The following MAP2K5 variants were observed in gnomAD, a reference collection of about 807,000 sequenced individuals.
The protein encoded by MAP2K5 is mitogen-activated protein kinase kinase 5.
Under a neutral mutation model 83.1 loss-of-function variants are expected in MAP2K5, and 49 were observed. That is an observed-to-expected ratio of 0.59 (90% CI 0.47 to 0.75). MAP2K5 has a LOEUF of 0.75. Ranked by LOEUF, MAP2K5 falls within the 30% of genes least tolerant of loss-of-function variation. MAP2K5 has a pLI of 0.00. For synonymous variants in MAP2K5, 202 were observed against 191.8 expected (o/e 1.05, Z -0.44); for missense variants, 457 against 557.5 (o/e 0.82, Z 1.82).
chr15:67,663,296 A>T (rs991843429), intron 12 of MAP2K5, among the ~76,000 whole-genome samples: 8 of 152,202 alleles, frequency 5.3e-5, no homozygotes, highest in African/African-American at 1.4e-4. Flanking sequence ...AAGAAAAAAA[A>T]TTCTGGTCCT....
intron 17 of MAP2K5, among the ~76,000 whole-genome samples, chr15:67,733,306 A>T (rs1829036161): frequency 6.6e-6 from 1 of 152,204 alleles, no homozygotes; most frequent in South Asian, 2.1e-4. Flanking sequence ...GTTTTTAAGA[A>T]TTATTTGAAT....
At chr15:67,613,570 G>A (rs962539724) in intron 8 of MAP2K5, among the ~76,000 whole-genome samples, 5 of 152,082 alleles carry the variant, frequency 3.3e-5, no homozygotes, top group Admixed American at 2.6e-4. Context: ...GAAACCATCA[G>A]CTTTGAATTT....
At position 67,778,395 on chromosome 15, in the gene MAP2K5, T is replaced by A. The variant is rs2090273886; in HGVS notation, c.1242+5643T>A. On this transcript the variant is annotated intron_variant, in intron 21 of 21. Transcript: ENST00000178640. This position sits in a 1 kb window ranked among gnomAD's most constrained non-coding sequence, Gnocchi z 5.0. Reference sequence around the variant, plus strand: ...CTCAAATTCCAGTGTGACTTTGGGCTTCACACCAAATGGCTTTGTTTCATT... The same window carrying A: ...CTCAAATTCCAGTGTGACTTTGGGCATCACACCAAATGGCTTTGTTTCATT... Among the ~76,000 whole-genome samples, 2 of 152,352 alleles carry A rather than the reference T, an allele frequency of 1.3e-5. No homozygotes were observed. Among genetic ancestry groups the A allele is most frequent in the South Asian group, 4.1e-4 (2 of 4,826 alleles).
At chr15:67,621,905 C>A (rs1053269139) in intron 8 of MAP2K5, among the ~76,000 whole-genome samples, 1 of 151,988 alleles carries the variant, frequency 6.6e-6, no homozygotes, top group Non-Finnish European at 1.5e-5. Flanking sequence ...AGAAAGTGGC[C>A]GGGTGCGGTG....
intron 8 of MAP2K5, chr15:67,628,108 A>G: frequency 1.3e-6 from 1 of 780,146 alleles, no homozygotes; most frequent in Non-Finnish European, 2.2e-6. Context: ...GTGGGAACAA[A>G]GAGAGCTGTC....
At position 67,770,959 on chromosome 15, in the gene MAP2K5, A is replaced by C. The variant is rs1391978258; in HGVS notation, c.1196+1296A>C. ...TGTGTAGCTTTTAAAAACTATTTTT[A>C]CTCTGAAAACATTTTATTTCCAAAG... On this transcript the variant is annotated intron_variant, in intron 20 of 21. Transcript: ENST00000178640. The surrounding 1 kb of genome is among the most constrained non-coding windows in gnomAD (Gnocchi z 5.0). Among the ~76,000 whole-genome samples the C allele has an allele frequency of 3.9e-5, 6 of 152,134 alleles. No individual in the cohort carries two copies. The highest frequency in any genetic ancestry group is 8.8e-5 in the Non-Finnish European group (6 of 68,024).
intron 20 of MAP2K5, among the ~76,000 whole-genome samples, chr15:67,772,008 A>G (rs1020404712): frequency 3.3e-4 from 51 of 152,342 alleles, no homozygotes; most frequent in Admixed American, 2.9e-3. Context: ...TACATGTTAC[A>G]GCTACTAATT....
intron 19 of MAP2K5, among the ~76,000 whole-genome samples, chr15:67,754,366 A>T (rs1423119377): frequency 6.6e-6 from 1 of 152,236 alleles, no homozygotes; most frequent in Non-Finnish European, 1.5e-5. Flanking sequence ...AGAAAAGAGA[A>T]GACACACTTA....
chr15:67,598,049 A>G (rs1240227528), intron 7 of MAP2K5, among the ~76,000 whole-genome samples: 2 of 151,982 alleles, frequency 1.3e-5, no homozygotes, highest in Non-Finnish European at 2.9e-5. Context: ...TACTAAAAGT[A>G]CAAAAATTAG....
rs59588886 is a variant in MAP2K5 at position 67,749,908 on chromosome 15, C to T, written c.1134+1307C>T. ...CTGGGGAAACTTGCCTACCCAGTTT[C>T]GTGCACAGCCTTCTGTGTTTCCTGG... On this transcript the variant is annotated intron_variant, in intron 19 of 21. Transcript: ENST00000178640. This position sits in a 1 kb window ranked among gnomAD's most constrained non-coding sequence, Gnocchi z 4.6. Among the ~76,000 whole-genome samples the T allele has an allele frequency of 6.2e-3, 943 of 152,314 alleles. 7 individuals carry two copies. The highest frequency in any genetic ancestry group is 0.02 in the African/African-American group (819 of 41,562).
Position 67,564,002 on chromosome 15 carries a change from T to C in MAP2K5, c.252+652T>C, listed in dbSNP as rs1028351910. Among the ~76,000 whole-genome samples the C allele has an allele frequency of 9.1e-4, 138 of 152,234 alleles. 2 individuals carry two copies. The highest frequency in any genetic ancestry group is 7.3e-5 in the Non-Finnish European group (5 of 68,034). The stretch of plus-strand genomic sequence containing the variant: ...CAATACTAAGCTTGAAAAATTCAGC[T>C]ATCATGAGGAGACATAGGTTACCTG... On this transcript the variant is annotated intron_variant, in intron 3 of 21. Transcript: ENST00000178640.
rs1202462579 is a variant in MAP2K5, at chr15:67,698,872, T to C, written c.973-4465T>C. ...CTAACATTAACTGAGCATTCCCATGTGGCACGTACTGAAGCACATTACGGG... is the reference window on the plus strand; with the variant it reads ...CTAACATTAACTGAGCATTCCCATGCGGCACGTACTGAAGCACATTACGGG... On this transcript the variant is annotated intron_variant, in intron 15 of 21. Coordinates refer to ENST00000178640, the MANE Select transcript of MAP2K5 (RefSeq NM_145160.3). This position sits in a 1 kb window ranked among gnomAD's most constrained non-coding sequence, Gnocchi z 4.5. Among the ~76,000 whole-genome samples, 1 of 152,222 alleles carries C rather than the reference T, an allele frequency of 6.6e-6. No individual in the cohort carries two copies. Among genetic ancestry groups the C allele is most frequent in the Non-Finnish European group, 1.5e-5 (1 of 68,040 alleles).
intron 3 of MAP2K5, 139 bp from the exon 4 acceptor site, chr15:67,580,615 C>T: frequency 1.6e-6 from 1 of 634,412 alleles, no homozygotes; most frequent in Non-Finnish European, 2.9e-6. Flanking sequence ...TTTTGATGTG[C>T]CAGTAGGGGA....
chr15:67,557,757 A>T (rs1018614246), intron 2 of MAP2K5, among the ~76,000 whole-genome samples: 4 of 152,196 alleles, frequency 2.6e-5, no homozygotes, highest in African/African-American at 9.7e-5. Context: ...GCTAGCCATG[A>T]CAATCTTGTT....
At chr15:67,645,107 G>A (rs2086801778) in intron 9 of MAP2K5, among the ~76,000 whole-genome samples, 1 of 152,176 alleles carries the variant, frequency 6.6e-6, no homozygotes, top group South Asian at 2.1e-4. Context: ...AGGAGACAGA[G>A]GTTGCAGTAA....
chr15:67,718,679 G>A (rs140726826), intron 16 of MAP2K5, among the ~76,000 whole-genome samples: 6 of 152,206 alleles, frequency 3.9e-5, no homozygotes, highest in African/African-American at 7.2e-5. Flanking sequence ...CAGGAGAATC[G>A]CTTGAACCTG....
chr15:67,737,074 A>G (rs1208408021), intron 17 of MAP2K5, among the ~76,000 whole-genome samples: 4 of 152,198 alleles, frequency 2.6e-5, no homozygotes, highest in South Asian at 2.1e-4. Context: ...TGGGGGAGAA[A>G]GTGAGATAAG....
chr15:67,728,066 G>C, intron 17 of MAP2K5, 121 bp downstream of exon 17: 1 of 867,656 alleles, frequency 1.2e-6, no homozygotes. Flanking sequence ...AAATTGAAAA[G>C]TGGTATCTTA....
chr15:67,585,823 G>A (rs1175572668), intron 4 of MAP2K5, 67 bp from the exon 5 acceptor site: 4 of 1,380,962 alleles, frequency 2.9e-6, no homozygotes, highest in African/African-American at 1.4e-5. Context: ...CTTTTTAAAC[G>A]ATTCATTTTG....
Sources: gnomAD v4.1 joint callset for allele counts (sites outside exome capture counted in the v4.1 genomes callset) on GRCh38, gnomAD v4.1.1 for gene constraint, Gnocchi (gnomAD v3.1) non-coding constraint, MANE v1.5 for transcripts, NCBI Gene and HGNC (gene_info 2026-07-23, HGNC 2026-07-21) for gene names.